Variants in NCAM2 observed in about 807,000 individuals in gnomAD.
NCAM2 encodes neural cell adhesion molecule 2.
NCAM2 carries 30 observed loss-of-function variants against 98.1 expected under a neutral mutation model. That is an observed-to-expected ratio of 0.31 (90% confidence interval 0.23 to 0.41). The LOEUF (loss-of-function observed/expected upper bound fraction) is 0.41, where lower values mean the gene tolerates loss of function less well. Among genes scored for constraint, NCAM2 ranks in the 10% least tolerant of loss-of-function variants. The pLI is 1.00. For synonymous variants in NCAM2, 368 were observed against 342.4 expected, an observed-to-expected ratio of 1.07 and a Z score of -0.83; for missense variants, 867 against 1,005.8, an observed-to-expected ratio of 0.86 and a Z score of 1.87.
At chr21:21,257,462 AC>A (rs1302995545) in intron 1 of NCAM2, among the ~76,000 whole-genome samples, 2 of 152,200 alleles carry the variant, frequency 1.3e-5, no homozygotes, top group African/African-American at 4.8e-5. Flanking sequence ...ATCATCTGAG[AC>A]AGTAAGAACC....
chr21:21,242,987 CT>C (rs2071127719), intron 1 of NCAM2, among the ~76,000 whole-genome samples: 1 of 151,420 alleles, frequency 6.6e-6, no homozygotes, highest in Non-Finnish European at 1.5e-5. Flanking sequence ...GTATTTTGGA[CT>C]CTCTTATTTC....
chr21:21,084,690 G>C (rs1440755918), intron 1 of NCAM2, among the ~76,000 whole-genome samples: 1 of 151,950 alleles, frequency 6.6e-6, no homozygotes, highest in Non-Finnish European at 1.5e-5. Flanking sequence ...TGTTGTATTT[G>C]GACACTTCCT....
chr21:21,128,910 C>T (rs959672238), intron 1 of NCAM2, among the ~76,000 whole-genome samples: 1 of 151,950 alleles, frequency 6.6e-6, no homozygotes, highest in Non-Finnish European at 1.5e-5. Context: ...GGGATTAAAG[C>T]CAGTTTATTA....
At chr21:21,094,999 C>A (rs1019524170) in intron 1 of NCAM2, among the ~76,000 whole-genome samples, 1 of 151,622 alleles carries the variant, frequency 6.6e-6, no homozygotes, top group Non-Finnish European at 1.5e-5. Flanking sequence ...TTAGCTTTCT[C>A]TATATATAGA....
chr21:21,488,179 A>G (rs1232693702), intron 15 of NCAM2, among the ~76,000 whole-genome samples: 1 of 152,104 alleles, frequency 6.6e-6, no homozygotes, highest in Non-Finnish European at 1.5e-5. Context: ...TGACTTTTTA[A>G]ATATTCAAGT....
At position 21,541,162 on chromosome 21, in the gene NCAM2, T is replaced by A. The variant is rs1409442836; in HGVS notation, c.*3205T>A. 1 of 151,626 alleles carries A rather than the reference T, an allele frequency of 6.6e-6. No homozygotes were observed. Among genetic ancestry groups the A allele is most frequent in the Non-Finnish European group, 1.5e-5 (1 of 67,710 alleles). 9.4% of individuals were successfully genotyped at this position (151,626 alleles called of 1,614,324 possible). On this transcript the variant is annotated 3_prime_UTR_variant, in exon 18 of 18. Transcript: ENST00000400546. ...GTGCCAACAATTAATTGTAACTTTA[T>A]GATCATATCTTTGTTTATGCTTCTT...
chr21:21,235,029 T>G (rs1251301531), intron 1 of NCAM2, among the ~76,000 whole-genome samples: 1 of 152,042 alleles, frequency 6.6e-6, no homozygotes, highest in Non-Finnish European at 1.5e-5. Context: ...CAAAATAGTT[T>G]TGAAGTTATT....
intron 16 of NCAM2, among the ~76,000 whole-genome samples, chr21:21,533,290 C>G (rs1212171437): frequency 6.7e-6 from 1 of 150,338 alleles, no homozygotes; most frequent in Non-Finnish European, 1.5e-5. Flanking sequence ...ATGTCCCACC[C>G]TTCCTCTAGT....
At chr21:21,017,249 A>C (rs1395033477) in intron 1 of NCAM2, among the ~76,000 whole-genome samples, 2 of 151,896 alleles carry the variant, frequency 1.3e-5, no homozygotes, top group African/African-American at 2.4e-5. Context: ...ACATGGTGAA[A>C]ACCCGTCTCT....
At chr21:21,285,029 C>A (rs1349537337) in intron 3 of NCAM2, among the ~76,000 whole-genome samples, 2 of 151,792 alleles carry the variant, frequency 1.3e-5, no homozygotes, top group Non-Finnish European at 2.9e-5. Context: ...CATTTTAAAG[C>A]AAGCTATCCC....
chr21:21,312,860 G>T (rs1248763367), intron 5 of NCAM2, among the ~76,000 whole-genome samples: 2 of 151,458 alleles, frequency 1.3e-5, no homozygotes, highest in Non-Finnish European at 3.0e-5. Context: ...TTCCTTTCAG[G>T]AGACTTTTGA....
intron 1 of NCAM2, among the ~76,000 whole-genome samples, chr21:21,070,979 A>G (rs1454388737): frequency 2.6e-5 from 4 of 152,162 alleles, no homozygotes; most frequent in Admixed American, 6.5e-5. Flanking sequence ...GAAGGAAAAG[A>G]AGGCAAATGG....
chr21:21,200,284 G>A (rs1264921592), intron 1 of NCAM2, among the ~76,000 whole-genome samples: 1 of 152,010 alleles, frequency 6.6e-6, no homozygotes. Flanking sequence ...GACTTGCATG[G>A]GTCACAACAC....
intron 16 of NCAM2, among the ~76,000 whole-genome samples, chr21:21,528,404 G>A (rs1328250414): frequency 1.3e-5 from 2 of 152,116 alleles, no homozygotes; most frequent in African/African-American, 4.8e-5. Context: ...CACCCCTCTG[G>A]TGGGAGATGT....
chr21:21,311,585 C>A (rs987865948), intron 5 of NCAM2, among the ~76,000 whole-genome samples: 1 of 152,108 alleles, frequency 6.6e-6, no homozygotes, highest in Non-Finnish European at 1.5e-5. Context: ...TCGTGATCCA[C>A]CCACCTCAGC....
rs192896881 is a variant in NCAM2, at chr21:21,175,538, A to C, written c.56-105040A>C. 3.5e-3 allele frequency among the ~76,000 whole-genome samples: 524 copies of C among 151,764 alleles called. 2 individuals are homozygous for C. Among genetic ancestry groups the C allele is most frequent in the Non-Finnish European group, 5.2e-3 (354 of 67,750 alleles). The stretch of plus-strand genomic sequence containing the variant: ...ACAGAGCGAGACTCCGTCTCAAAAA[A>C]AATAAAAAAAAATAAAATAATAAAA... On this transcript the variant is annotated intron_variant, in intron 1 of 17. Coordinates refer to ENST00000400546, the MANE Select transcript of NCAM2 (RefSeq NM_004540.5).
intron 1 of NCAM2, among the ~76,000 whole-genome samples, chr21:21,000,331 G>A (rs1205596945): frequency 6.6e-6 from 1 of 152,198 alleles, no homozygotes; most frequent in African/African-American, 2.4e-5. Context: ...ACAAGTTTAT[G>A]CAGACTTAGG....
At chr21:21,224,391 T>C (rs183887236) in intron 1 of NCAM2, among the ~76,000 whole-genome samples, 13 of 152,276 alleles carry the variant, frequency 8.5e-5, no homozygotes, top group African/African-American at 3.1e-4. Context: ...AGGTAGAATA[T>C]AAACAAATAC....
chr21:21,031,468 G>T (rs574218711), intron 1 of NCAM2, among the ~76,000 whole-genome samples: 22 of 152,198 alleles, frequency 1.4e-4, no homozygotes, highest in African/African-American at 5.3e-4. Context: ...CCAAATCTAA[G>T]ATAGAGATTA....
Sources: allele counts gnomAD v4.1 joint callset (sites outside exome capture counted in the v4.1 genomes callset), GRCh38; gene constraint gnomAD v4.1.1; transcripts MANE v1.5; gene names NCBI Gene and HGNC (gene_info 2026-07-23, HGNC 2026-07-21).